Variants in CCDC138 observed in about 807,000 individuals in gnomAD.
The protein encoded by CCDC138 is coiled-coil domain containing 138.
In CCDC138, 66 loss-of-function variants were observed where a neutral mutation model predicts 82.3. That is an observed-to-expected ratio of 0.80 (90% CI 0.66 to 0.98). CCDC138 has a LOEUF of 0.98. Among genes scored for constraint, CCDC138 ranks in the 50% least tolerant of loss-of-function variants. The pLI is 0.00. For synonymous variants in CCDC138, 297 were observed against 265.4 expected (o/e 1.12, Z -1.16); for missense variants, 816 against 758.9 (o/e 1.08, Z -0.88).
intron 5 of CCDC138, among the ~76,000 whole-genome samples, chr2:108,796,290 G>A (rs1286880006): frequency 6.6e-6 from 1 of 151,614 alleles, no homozygotes; most frequent in Non-Finnish European, 1.5e-5. Context: ...TCCTGACCTC[G>A]TGATCCGCCC....
chr2:108,789,683 G>A (rs1332275175), intron 3 of CCDC138, among the ~76,000 whole-genome samples: 2 of 152,296 alleles, frequency 1.3e-5, no homozygotes, highest in East Asian at 3.9e-4. Context: ...GGTATTGTAT[G>A]CATTGTATTT....
At chr2:108,807,713 A>G (rs989587997) in intron 7 of CCDC138, among the ~76,000 whole-genome samples, 2 of 151,878 alleles carry the variant, frequency 1.3e-5, no homozygotes, top group Non-Finnish European at 2.9e-5. Context: ...TGCCTTCTGG[A>G]CTCAAGCGAT....
chr2:108,802,795 A>G (rs1017410465), intron 6 of CCDC138, among the ~76,000 whole-genome samples: 2 of 151,856 alleles, frequency 1.3e-5, no homozygotes, highest in African/African-American at 4.8e-5. Flanking sequence ...TTATTTTGAA[A>G]TACGTCCCAT....
intron 13 of CCDC138, 59 bp from the exon 14 acceptor site, chr2:108,873,391 GT>G: frequency 7.2e-7 from 1 of 1,397,888 alleles, no homozygotes; most frequent in Non-Finnish European, 9.4e-7. Flanking sequence ...ATTTTAATTT[GT>G]TTTTAATTTC....
chr2:108,879,308 T>A (rs1696221693), downstream of CCDC138, among the ~76,000 whole-genome samples: 1 of 152,228 alleles, frequency 6.6e-6, no homozygotes, highest in Admixed American at 6.5e-5. Flanking sequence ...AATTCTTTTT[T>A]AAAATGGCTG....
chr2:108,788,763 A>G, intron 2 of CCDC138, 89 bp from the exon 3 acceptor site: 4 of 1,500,058 alleles, frequency 2.7e-6, no homozygotes, highest in Non-Finnish European at 3.6e-6. Flanking sequence ...AAGATTTTAA[A>G]AATAGTATTA....
chr2:108,787,071 G>A (rs1341711641), intron 1 of CCDC138, among the ~76,000 whole-genome samples, 156 bp downstream of exon 1: 1 of 152,100 alleles, frequency 6.6e-6, no homozygotes, highest in African/African-American at 2.4e-5. Flanking sequence ...GAAGCAGGCG[G>A]GAGGGGCGGG....
chr2:108,864,236 A>G (rs1256489752), intron 13 of CCDC138, among the ~76,000 whole-genome samples: 1 of 152,260 alleles, frequency 6.6e-6, no homozygotes, highest in East Asian at 1.9e-4. Context: ...AGAAGAAGCT[A>G]AGAAAGCAAA....
chr2:108,845,090 A>C (rs980941096), intron 11 of CCDC138, among the ~76,000 whole-genome samples: 1 of 152,016 alleles, frequency 6.6e-6, no homozygotes, highest in African/African-American at 2.4e-5. Flanking sequence ...AAAGTGTAGT[A>C]GTAAAGCATT....
chr2:108,876,459 A>C lies in CCDC138; in HGVS notation c.*206A>C. 1 of 349,696 alleles carries C rather than the reference A, an allele frequency of 2.9e-6. No homozygotes were observed. The highest frequency in any genetic ancestry group is 5.1e-6 in the Non-Finnish European group (1 of 195,688). The allele number at this position is 349,696 out of a possible 1,614,324, so 21.7% of individuals were successfully genotyped here. ...TCAGTTCAGGTAAGGTAATACTAAT[A>C]TACAAGATGGCGTTTCTAGAATGTA... is the stretch of plus-strand genomic sequence containing the variant. On this transcript the variant is annotated 3_prime_UTR_variant, in exon 15 of 15. Coordinates refer to ENST00000295124, the MANE Select transcript of CCDC138 (RefSeq NM_144978.3).
intron 12 of CCDC138, among the ~76,000 whole-genome samples, chr2:108,853,924 T>G (rs1473703838): frequency 6.1e-5 from 7 of 115,254 alleles, no homozygotes; most frequent in Admixed American, 3.2e-4. Context: ...GTATATATAT[T>G]ATATATAATT....
downstream of CCDC138, among the ~76,000 whole-genome samples, chr2:108,880,966 A>G (rs373318713): frequency 5.2e-5 from 8 of 152,384 alleles, no homozygotes; most frequent in East Asian, 1.5e-3. Context: ...AAATATCAAC[A>G]TTAACAGGAA....
chr2:108,882,194 C>G (rs374605278), intron 1 of CCDC138: 1 of 151,724 alleles, frequency 6.6e-6, no homozygotes, highest in Non-Finnish European at 1.5e-5. Context: ...GATTACAGAT[C>G]ACCATGACAG....
intron 10 of CCDC138, 67 bp downstream of exon 10, chr2:108,816,172 C>G: frequency 8.4e-7 from 1 of 1,185,778 alleles, no homozygotes; most frequent in Middle Eastern, 2.7e-4. Context: ...AAGCCAGGGC[C>G]AGGCACAGTG....
In CCDC138 at chr2:108,805,222, CAA is replaced by C. The variant is rs1305203880; in HGVS notation, c.855+217_855+218del. On this transcript the variant is annotated intron_variant, in intron 7 of 14. Coordinates refer to ENST00000295124, the MANE Select transcript of CCDC138 (RefSeq NM_144978.3). Reference sequence around the variant, plus strand: ...TTTGTTCTGGCAACCAACTGACAAACAAAAGAAAAAAACCTGATAACCTGAGA... The same window carrying C: ...TTTGTTCTGGCAACCAACTGACAAACAAGAAAAAAACCTGATAACCTGAGA... Among the ~76,000 whole-genome samples the C allele has an allele frequency of 2.0e-5, 3 of 151,914 alleles. No homozygotes were observed. The East Asian group carries it at 5.8e-4, about 29-fold the overall frequency.
intron 13 of CCDC138, among the ~76,000 whole-genome samples, chr2:108,861,949 T>C (rs138725865): frequency 1.3e-5 from 2 of 152,294 alleles, no homozygotes. Flanking sequence ...ATTTTGTTGT[T>C]TACCCAAAAG....
At chr2:108,838,847 C>T (rs1689001229) in intron 10 of CCDC138, among the ~76,000 whole-genome samples, 1 of 151,902 alleles carries the variant, frequency 6.6e-6, no homozygotes. Flanking sequence ...CCAGAATATG[C>T]CATGGCAATA....
In CCDC138 at chr2:108,816,076, A is replaced by G; in HGVS notation, c.1177A>G (p.Arg393Gly). 1 of 1,612,560 alleles carries G rather than the reference A, an allele frequency of 6.2e-7. No homozygotes were observed. The highest frequency in any genetic ancestry group is 8.5e-7 in the Non-Finnish European group (1 of 1,179,208). ...ACCACAACTCAAATTTGCTTCCCAG[A>G]GAAATGATATTCAGGAGAAGTGTGT... ...KKPQLKFASQRNDIQEKCVKL... is the reference protein window; with the variant it reads ...KKPQLKFASQGNDIQEKCVKL... The change falls in exon 10 of 15, where the codon AGA (arginine) becomes GGA (glycine). Residue 393 changes from arginine to glycine, a missense_variant. Arg to Gly is a moderately radical substitution (Grantham distance 125). Coordinates refer to ENST00000295124, the MANE Select transcript of CCDC138 (RefSeq NM_144978.3).
intron 12 of CCDC138, among the ~76,000 whole-genome samples, chr2:108,855,244 CA>C (rs1235474461): frequency 6.6e-6 from 1 of 151,932 alleles, no homozygotes; most frequent in Non-Finnish European, 1.5e-5. Context: ...AAAAAGAAAC[CA>C]AATACAGTTT....
Sources: gnomAD v4.1 joint callset for allele counts (sites outside exome capture counted in the v4.1 genomes callset) on GRCh38, gnomAD v4.1.1 for gene constraint, MANE v1.5 for transcripts, NCBI Gene and HGNC (gene_info 2026-07-23, HGNC 2026-07-21) for gene names.